The following KDM3A variants were observed in gnomAD, a reference collection of about 807,000 sequenced individuals.
The protein encoded by KDM3A is lysine demethylase 3A.
KDM3A carries 60 observed loss-of-function variants against 158.0 expected under a neutral mutation model. That is an observed-to-expected ratio of 0.38 (90% CI 0.31 to 0.47). KDM3A has a LOEUF of 0.47. KDM3A is among the 20% of genes least tolerant of loss of function. The probability of loss-of-function intolerance (pLI) is 0.99; values close to 1 mark genes in which losing one functional copy is unlikely to be tolerated. For missense variants in KDM3A, 1,319 were observed against 1,574.3 expected, an observed-to-expected ratio of 0.84 and a Z score of 2.74; for synonymous variants, 608 against 549.3, an observed-to-expected ratio of 1.11 and a Z score of -1.49.
At position 86,490,774 on chromosome 2, in the gene KDM3A, G is replaced by C. The variant is rs911110173; in HGVS notation, c.3574-107G>C. The C allele has an allele frequency of 5.4e-6, 4 of 747,354 alleles. No individual in the cohort carries two copies. The African/African-American group carries it at 7.1e-5, about 13-fold the overall frequency. The allele number at this position is 747,354 out of a possible 1,614,324, so 46.3% of individuals were successfully genotyped here. A position where few individuals can be genotyped will look rare whatever the true frequency, so the allele number is the denominator to read the frequency against. On this transcript the variant is annotated intron_variant, in intron 23 of 25. Coordinates refer to ENST00000312912, the MANE Select transcript of KDM3A (RefSeq NM_018433.6). ...TTCTGCCAATGGGGGCACTTAAGTT[G>C]AAGAAGGCCTGACATTTATGAACTG...
chr2:86,477,569 T>G (rs752133552), intron 12 of KDM3A, among the ~76,000 whole-genome samples: 2 of 152,158 alleles, frequency 1.3e-5, no homozygotes, highest in Non-Finnish European at 2.9e-5. Context: ...CTCCAACTTG[T>G]GTAACTACTG....
chr2:86,478,856 A>AAG, intron 15 of KDM3A, 121 bp downstream of exon 15: 1 of 904,406 alleles, frequency 1.1e-6, no homozygotes, highest in South Asian at 1.6e-5. Context: ...ATCAAGTGGA[A>AAG]AGAGAGAGAG....
chr2:86,476,243 TG>T (rs1673653508), intron 12 of KDM3A, among the ~76,000 whole-genome samples: 1 of 152,222 alleles, frequency 6.6e-6, no homozygotes, highest in African/African-American at 2.4e-5. Flanking sequence ...GACTGCAATG[TG>T]GAAACACTTT....
upstream of KDM3A, chr2:86,440,604 A>G (rs963154314): frequency 2.0e-5 from 3 of 152,172 alleles, no homozygotes; most frequent in African/African-American, 7.2e-5. Context: ...CTCATTATAC[A>G]TTGTATTTAA....
At chr2:86,448,882 A>G (rs533406043) in intron 2 of KDM3A, among the ~76,000 whole-genome samples, 1 of 152,166 alleles carries the variant, frequency 6.6e-6, no homozygotes, top group Non-Finnish European at 1.5e-5. Context: ...ATTGAAGAGG[A>G]CCTAGAGTAA....
chr2:86,489,488 G>A, intron 22 of KDM3A, 32 bp from the exon 23 acceptor site: 1 of 1,611,814 alleles, frequency 6.2e-7, no homozygotes, highest in Non-Finnish European at 8.5e-7. Flanking sequence ...CAGGGCTTGT[G>A]GTCTGATATC....
rs1673756041 is a variant in KDM3A at position 86,478,247 on chromosome 2, C to G, written c.2170C>G (p.Gln724Glu). The G allele has an allele frequency of 6.2e-7, 1 of 1,611,222 alleles. No homozygotes were observed. The highest frequency in any genetic ancestry group is 1.3e-5 in the African/African-American group (1 of 74,882). ...TGAACCAGAGAACTTAATGCCCACA[C>G]AGATCATTCCTGGAAAAGGTATTTC... ...IHEPENLMPT[Q>E]IIPGKALYDV... The change falls in exon 14 of 26, where the codon CAG becomes GAG. Residue 724 changes from glutamine (Q) to glutamate (E), a missense_variant. Physicochemically the swap from Gln to Glu is conservative, Grantham distance 29. Around this residue, in one of 4 missense-constraint regions of KDM3A, gnomAD observed 368 missense variants for 415.8 expected, o/e 0.89. Transcript: ENST00000312912.
At chr2:86,476,494 G>C (rs774376532) in intron 12 of KDM3A, among the ~76,000 whole-genome samples, 3 of 152,140 alleles carry the variant, frequency 2.0e-5, no homozygotes, top group Admixed American at 6.5e-5. Context: ...AAGCTGGTCA[G>C]ACTGGAGAGA....
intron 2 of KDM3A, among the ~76,000 whole-genome samples, chr2:86,449,558 T>G (rs1672346298): frequency 6.6e-6 from 1 of 152,134 alleles, no homozygotes; most frequent in African/African-American, 2.4e-5. Flanking sequence ...GGGGTTTACT[T>G]TAGGGACACA....
chr2:86,466,422 A>C lies in KDM3A; in HGVS notation c.1058A>C (p.Lys353Thr). 4 of 1,613,520 alleles carry C rather than the reference A, an allele frequency of 2.5e-6. No individual in the cohort carries two copies. The highest frequency in any genetic ancestry group is 3.4e-6 in the Non-Finnish European group (4 of 1,179,666). ...PEEISSCLNTKSEALRTKPDV... is the reference protein window; with the variant it reads ...PEEISSCLNTTSEALRTKPDV... Reference sequence around the variant, plus strand: ...GAAATTTCTTCCTGTCTAAATACAAAGTCTGAAGCTCTGAGAACAAAACCA... The same window carrying C: ...GAAATTTCTTCCTGTCTAAATACAACGTCTGAAGCTCTGAGAACAAAACCA... The change falls in exon 10 of 26, where the codon AAG (lysine) becomes ACG (threonine). Residue 353 changes from lysine to threonine, a missense_variant. Physicochemically the swap from Lys to Thr is moderately conservative, Grantham distance 78. Around this residue, in one of 4 missense-constraint regions of KDM3A, gnomAD observed 652 missense variants for 627.2 expected, o/e 1.04. Transcript: ENST00000312912.
At chr2:86,487,391 T>C (rs1341489836) in intron 21 of KDM3A, 2 of 152,230 alleles carry the variant, frequency 1.3e-5, no homozygotes, top group Non-Finnish European at 2.9e-5. Context: ...AAGAGTGGTC[T>C]TTTCAAAGGT....
chr2:86,438,204 T>G (rs2104607321), upstream of KDM3A, among the ~76,000 whole-genome samples: 1 of 152,286 alleles, frequency 6.6e-6, no homozygotes, highest in Admixed American at 6.5e-5. Context: ...ATATAAAATT[T>G]TTGGTGTATC....
chr2:86,478,001 C>G lies in KDM3A; in HGVS notation c.2064C>G (p.Tyr688Ter). 1 of 1,614,126 alleles carries G rather than the reference C, an allele frequency of 6.2e-7. No homozygotes were observed. Among genetic ancestry groups the G allele is most frequent in the Non-Finnish European group, 8.5e-7 (1 of 1,180,018 alleles). Residue 688 changes from tyrosine (Y) to a stop codon, truncating the protein, a stop_gained, in exon 13 of 26, where the codon TAC (tyrosine) becomes TAG (stop). Transcript: ENST00000312912. LOFTEE classifies it high-confidence loss of function. ...RCGFGVCVDC[Y>*]RMKRKNCQQG... ...GGTTTGGAGTATGTGTGGACTGCTA[C>G]CGGATGAAGAGAAAGAATTGCCAAC...
chr2:86,467,559 A>T (rs757967427), intron 10 of KDM3A, among the ~76,000 whole-genome samples: 2 of 152,186 alleles, frequency 1.3e-5, no homozygotes, highest in Non-Finnish European at 2.9e-5. Context: ...ACTTGATGCT[A>T]CTTATATGAA....
chr2:86,490,894 A>G lies in KDM3A; in HGVS notation c.3587A>G (p.Gln1196Arg). The G allele has an allele frequency of 6.2e-7, 1 of 1,611,204 alleles. No individual in the cohort carries two copies. The highest frequency in any genetic ancestry group is 1.3e-5 in the African/African-American group (1 of 74,870). Reference sequence around the variant, plus strand: ...AATGTATTCTAGGTATCAGAAGAGCAAGGTCAAGAAAACCCAGCAGACCAC... The same window carrying G: ...AATGTATTCTAGGTATCAGAAGAGCGAGGTCAAGAAAACCCAGCAGACCAC... ...REFLKKVSEE[Q>R]GQENPADHDP... Residue 1196 changes from glutamine to arginine, a missense_variant, in exon 24 of 26, where the codon CAA (glutamine) becomes CGA (arginine). Coordinates refer to ENST00000312912, the MANE Select transcript of KDM3A (RefSeq NM_018433.6).
intron 25 of KDM3A, 106 bp downstream of exon 25, chr2:86,491,381 G>T (rs1674448861): frequency 4.1e-5 from 47 of 1,143,596 alleles, no homozygotes; most frequent in Non-Finnish European, 1.3e-6. Flanking sequence ...ATCGTACTTA[G>T]TACACAGTGA....
chr2:86,469,833 C>G (rs1673322359), intron 10 of KDM3A, among the ~76,000 whole-genome samples: 1 of 152,174 alleles, frequency 6.6e-6, no homozygotes, highest in Non-Finnish European at 1.5e-5. Context: ...TCTACTAAGT[C>G]AGGCCTCTGC....
In KDM3A at chr2:86,474,678, AGT is replaced by A. The variant is rs1333585951; in HGVS notation, c.1725-97_1725-96del. 8.5e-6 allele frequency: 6 copies of A among 704,752 alleles called. No individual in the cohort carries two copies. In the East Asian group the frequency reaches 1.6e-4, roughly 19 times the overall value. The allele number at this position is 704,752 out of a possible 1,614,324, so 43.7% of individuals were successfully genotyped here. A position where few individuals can be genotyped will look rare whatever the true frequency, so the allele number is the denominator to read the frequency against. ...GACTCCATCCCAAAAAAAAAAAAAA[AGT>A]AATTACAAGTTGTAAATAAGTTGTG... On this transcript the variant is annotated intron_variant, in intron 11 of 25. Transcript: ENST00000312912.
chr2:86,487,619 C>T (rs1295871418), intron 21 of KDM3A: 1 of 152,214 alleles, frequency 6.6e-6, no homozygotes, highest in Non-Finnish European at 1.5e-5. Context: ...GATTTCCAAG[C>T]TAGAGCCCAT....
Sources: gnomAD v4.1 joint callset for allele counts (sites outside exome capture counted in the v4.1 genomes callset) on GRCh38, gnomAD v4.1.1 for gene constraint, gnomAD v4.1.1 regional missense constraint, MANE v1.5 for transcripts, NCBI Gene and HGNC (gene_info 2026-07-23, HGNC 2026-07-21) for gene names.